The following UGT1A8 variants were observed in gnomAD, a reference collection of about 807,000 sequenced individuals.
The protein encoded by UGT1A8 is UDP-glucuronosyltransferase 1A8.
UGT1A8 carries 39 observed loss-of-function variants against 45.3 expected under a neutral mutation model. The observed-to-expected ratio is 0.86, with a 90% CI of 0.67 to 1.12. UGT1A8 has a LOEUF of 1.12. UGT1A8 is among the 50% of genes most tolerant of loss of function. The probability of loss-of-function intolerance (pLI) is 0.00; values close to 1 mark genes in which losing one functional copy is unlikely to be tolerated. For synonymous variants in UGT1A8, 275 were observed against 249.2 expected (o/e 1.10, Z -0.97); for missense variants, 719 against 664.9 (o/e 1.08, Z -0.90).
intron 1 of UGT1A8, among the ~76,000 whole-genome samples, chr2:233,714,723 TAA>T (rs2076408415): frequency 6.6e-6 from 1 of 152,238 alleles, no homozygotes; most frequent in South Asian, 2.1e-4. Flanking sequence ...TTTTTGTTGT[TAA>T]GTCTTCAAAA....
At chr2:233,682,078 A>T in intron 1 of UGT1A8, 1 of 1,613,992 alleles carries the variant, frequency 6.2e-7, no homozygotes, top group Non-Finnish European at 8.5e-7. Flanking sequence ...TGGTGGAGAA[A>T]CTCATCCTCA....
At chr2:233,718,681 T>C in intron 1 of UGT1A8, 1 of 1,572,088 alleles carries the variant, frequency 6.4e-7, no homozygotes, top group Admixed American at 1.8e-5. Context: ...GGGTAATAAG[T>C]AACTGGAGGA....
At chr2:233,670,558 CT>C (rs139582139) in intron 1 of UGT1A8, among the ~76,000 whole-genome samples, 4,536 of 152,284 alleles carry the variant, frequency 0.03, 211 homozygotes, top group African/African-American at 0.1. Flanking sequence ...GGCATGGCTT[CT>C]TCTATGTCTT....
intron 1 of UGT1A8, among the ~76,000 whole-genome samples, chr2:233,724,618 G>C (rs1325870277): frequency 7.3e-6 from 1 of 137,158 alleles, no homozygotes; most frequent in Non-Finnish European, 1.6e-5. Context: ...GGGCAGAGAC[G>C]CTCCTCACTT....
chr2:233,682,201 G>A, intron 1 of UGT1A8: 1 of 1,614,168 alleles, frequency 6.2e-7, no homozygotes, highest in South Asian at 1.1e-5. Context: ...ATCAGGACCG[G>A]GAGTTCATGG....
chr2:233,752,202 T>G (rs1037176887), intron 1 of UGT1A8: 1 of 152,188 alleles, frequency 6.6e-6, no homozygotes, highest in African/African-American at 2.4e-5. Context: ...TGTGTTGAAC[T>G]CCAGCCAGAA....
At position 233,767,125 on chromosome 2, in the gene UGT1A8, C is replaced by T. The variant is rs775405878; in HGVS notation, c.947C>T (p.Ala316Val). 2.5e-6 allele frequency: 4 copies of T among 1,614,092 alleles called. No individual in the cohort carries two copies. Among genetic ancestry groups the T allele is most frequent in the Non-Finnish European group, 3.4e-6 (4 of 1,180,014 alleles). The part of the protein sequence containing the change: ...SMVSEIPEKK[A>V]MAIADALGKI... ...GTCTCAGAAATTCCAGAGAAGAAAG[C>T]TATGGCAATTGCTGATGCTTTGGGC... Residue 316 changes from alanine to valine, a missense_variant, in exon 2 of 5, where the codon GCT becomes GTT. By Grantham distance (64) the Ala-to-Val change is moderately conservative. Coordinates refer to ENST00000373450, the MANE Select transcript of UGT1A8 (RefSeq NM_019076.5).
intron 1 of UGT1A8, among the ~76,000 whole-genome samples, chr2:233,751,389 A>G (rs557117107): frequency 6.6e-6 from 1 of 152,256 alleles, no homozygotes; most frequent in Admixed American, 6.5e-5. Context: ...CTTGTCTCAG[A>G]TAAGACTTTG....
intron 1 of UGT1A8, among the ~76,000 whole-genome samples, chr2:233,656,868 A>C (rs1300304747): frequency 6.6e-6 from 1 of 151,512 alleles, no homozygotes. Context: ...ATCCCTATTA[A>C]GATGTGCAGA....
chr2:233,688,441 C>T lies in UGT1A8; in HGVS notation c.855+69879C>T, dbSNP rs10168416. Among the ~76,000 whole-genome samples the T allele has an allele frequency of 2.6e-5, 4 of 152,144 alleles. No individual in the cohort carries two copies. In the East Asian group the frequency reaches 5.8e-4, roughly 22 times the overall value. On this transcript the variant is annotated intron_variant, in intron 1 of 4. Coordinates refer to ENST00000373450, the MANE Select transcript of UGT1A8 (RefSeq NM_019076.5). ...GCCTAACCTCTATACCTGACTGCCTCCCTGTGTTGACAGGAAACTTCTTGG... is the reference window on the plus strand; with the variant it reads ...GCCTAACCTCTATACCTGACTGCCTTCCTGTGTTGACAGGAAACTTCTTGG...
chr2:233,620,183 G>A (rs2072976296), intron 1 of UGT1A8, among the ~76,000 whole-genome samples: 1 of 152,182 alleles, frequency 6.6e-6, no homozygotes, highest in African/African-American at 2.4e-5. Context: ...GTGAAATAAT[G>A]CTCTTTCTAA....
At chr2:233,699,341 G>T (rs920217279) in intron 1 of UGT1A8, among the ~76,000 whole-genome samples, 1 of 152,132 alleles carries the variant, frequency 6.6e-6, no homozygotes, top group Admixed American at 6.5e-5. Context: ...ATCCACCCTA[G>T]GGCTAACCTC....
chr2:233,687,352 G>A (rs923240584), intron 1 of UGT1A8, among the ~76,000 whole-genome samples: 4 of 152,036 alleles, frequency 2.6e-5, no homozygotes, highest in Non-Finnish European at 5.9e-5. Context: ...ACTTCAGATG[G>A]GTGGACTGTC....
chr2:233,671,893 A>C, intron 1 of UGT1A8: 1 of 1,566,360 alleles, frequency 6.4e-7, no homozygotes, highest in Non-Finnish European at 8.6e-7. Flanking sequence ...GTATCATAGG[A>C]GCTTAGATTC....
intron 1 of UGT1A8, among the ~76,000 whole-genome samples, chr2:233,705,905 T>G (rs1056214511): frequency 3.3e-5 from 5 of 152,030 alleles, no homozygotes; most frequent in Admixed American, 3.3e-4. Flanking sequence ...CTGGCCAAAA[T>G]AGTGAAACTC....
At chr2:233,772,103 ACT>A (rs758185020) in intron 4 of UGT1A8, among the ~76,000 whole-genome samples, 157 bp from the exon 5 acceptor site, 84 of 152,280 alleles carry the variant, frequency 5.5e-4, no homozygotes, top group Admixed American at 1.4e-3. Flanking sequence ...ACAGGGCAAG[ACT>A]CTGTATCTAA....
chr2:233,760,681 CACA>C (rs1697528171), intron 1 of UGT1A8: 4 of 1,614,246 alleles, frequency 2.5e-6, no homozygotes, highest in East Asian at 2.2e-5. Context: ...CCACTTACTG[CACA>C]ACAAGGAGCT....
chr2:233,656,814 G>C (rs1481619314), intron 1 of UGT1A8, among the ~76,000 whole-genome samples: 1 of 152,116 alleles, frequency 6.6e-6, no homozygotes, highest in Non-Finnish European at 1.5e-5. Context: ...TGTGGGAGAC[G>C]GGCGGCACTT....
intron 1 of UGT1A8, among the ~76,000 whole-genome samples, chr2:233,633,291 C>A (rs1184008813): frequency 6.6e-6 from 1 of 152,088 alleles, no homozygotes; most frequent in Non-Finnish European, 1.5e-5. Flanking sequence ...TGTGTCTCTG[C>A]CACATCCTGG....
Sources: gnomAD v4.1 joint callset for allele counts (sites outside exome capture counted in the v4.1 genomes callset) on GRCh38, gnomAD v4.1.1 for gene constraint, MANE v1.5 for transcripts, NCBI Gene and HGNC (gene_info 2026-07-23, HGNC 2026-07-21) for gene names.